Variants in SPON2 observed in about 807,000 individuals in gnomAD.
The protein encoded by SPON2 is spondin-2.
In SPON2, 32 loss-of-function variants were observed where a neutral mutation model predicts 29.9. The ratio of observed to expected loss-of-function variants is 1.07; its 90% CI spans 0.81 to 1.44. SPON2 has a LOEUF of 1.44. Ranked by LOEUF, SPON2 falls within the 40% of genes most tolerant of loss-of-function variation. SPON2 has a pLI of 0.00. For missense variants in SPON2, 541 were observed against 455.5 expected, an observed-to-expected ratio of 1.19 and a Z score of -1.71; for synonymous variants, 248 against 209.1, an observed-to-expected ratio of 1.19 and a Z score of -1.61.
rs1728245961 is a variant in SPON2 at position 1,202,821 on chromosome 4, G to A, written c.-234+5059C>T. ...GGCCACCATCGCCTGCAGTGTCAGC[G>A]CCCCGTGGATGCCGTCAAGGCCCCC... On this transcript the variant is annotated intron_variant, in intron 1 of 3. Transcript: ENST00000509233. The surrounding 1 kb of genome is among the most constrained non-coding windows in gnomAD (Gnocchi z 5.4). Among the ~76,000 whole-genome samples the A allele has an allele frequency of 2.0e-5, 3 of 152,266 alleles. No individual in the cohort carries two copies. The highest frequency in any genetic ancestry group is 2.1e-4 in the South Asian group (1 of 4,830).
chr4:1,179,154 T>A (rs1727660763), intron 2 of SPON2, among the ~76,000 whole-genome samples: 1 of 151,366 alleles, frequency 6.6e-6, no homozygotes, highest in South Asian at 2.1e-4. Flanking sequence ...CTTATTTAGC[T>A]GACGCTGAGT....
intron 1 of SPON2, among the ~76,000 whole-genome samples, chr4:1,206,680 A>G (rs1728349953): frequency 6.6e-6 from 1 of 152,186 alleles, no homozygotes. Flanking sequence ...GAGGGGAGGC[A>G]GGGCCTGAGG....
intron 1 of SPON2, among the ~76,000 whole-genome samples, chr4:1,186,042 A>T (rs71614952): frequency 4.7e-5 from 7 of 149,966 alleles, no homozygotes; most frequent in South Asian, 2.1e-4. Context: ...CAGGAGATCG[A>T]GACCATCCTG....
At chr4:1,178,543 A>G (rs1290053055) in intron 2 of SPON2, among the ~76,000 whole-genome samples, 1 of 151,716 alleles carries the variant, frequency 6.6e-6, no homozygotes, top group Admixed American at 6.6e-5. Flanking sequence ...CTCACACCTC[A>G]GGGCCTTTGC....
chr4:1,169,405 GCC>G (rs1185499615), intron 5 of SPON2, among the ~76,000 whole-genome samples: 3 of 152,136 alleles, frequency 2.0e-5, no homozygotes, highest in Non-Finnish European at 4.4e-5. Flanking sequence ...GCACAGGGAG[GCC>G]CAGTTCATCC....
intron 1 of SPON2, among the ~76,000 whole-genome samples, chr4:1,185,708 C>CCAAAAAAAAA (rs764779944): frequency 1.4e-5 from 1 of 69,648 alleles, no homozygotes; most frequent in Non-Finnish European, 2.7e-5. Context: ...ACTCCATCTC[C>CCAAAAAAAAA]AAAAAAAAAA....
Position 1,170,992 on chromosome 4 carries a change from C to A in SPON2, c.636+7G>T. The A allele has an allele frequency of 6.5e-7, 1 of 1,547,520 alleles. No individual in the cohort carries two copies. Among genetic ancestry groups the A allele is most frequent in the South Asian group, 1.2e-5 (1 of 83,852 alleles). On this transcript the variant is annotated splice_region_variant and intron_variant, in intron 4 of 5. Transcript: ENST00000290902. ...GCGGCCCTTGCGCACGCGGGGTGCC[C>A]ACTCACCTCGGTCACCGTGTCCTGC...
intron 1 of SPON2, among the ~76,000 whole-genome samples, chr4:1,184,424 A>G (rs918988865): frequency 6.6e-6 from 1 of 152,048 alleles, no homozygotes; most frequent in Non-Finnish European, 1.5e-5. Context: ...GGGTGAAAAA[A>G]GGGATTCCAA....
upstream of SPON2, among the ~76,000 whole-genome samples, chr4:1,173,697 T>A (rs1184922127): frequency 3.9e-5 from 6 of 152,220 alleles, no homozygotes; most frequent in African/African-American, 1.4e-4. Context: ...ACCCTGTTAA[T>A]GTTTCACAGA....
At chr4:1,200,827 G>T (rs539890472) in intron 1 of SPON2, 88 of 456,680 alleles carry the variant, frequency 1.9e-4, no homozygotes, top group South Asian at 1.3e-3. Flanking sequence ...CCCAGCTCCT[G>T]GAGGTGGGGC....
rs773844534 is a variant in SPON2 at position 1,171,254 on chromosome 4, C to G, written c.444+9G>C. The G allele has an allele frequency of 2.7e-6, 4 of 1,476,712 alleles. No homozygotes were observed. The highest frequency in any genetic ancestry group is 2.3e-4 in the Middle Eastern group (1 of 4,420). 91.5% of individuals were successfully genotyped at this position (1,476,712 alleles called of 1,614,324 possible). A position where few individuals can be genotyped will look rare whatever the true frequency, so the allele number is the denominator to read the frequency against. ...CCCGGACCCCGCCCCCGGCCGGCCC[C>G]GCGCTCACCAGCGAGTGCCTGCGCT... On this transcript the variant is annotated intron_variant, in intron 3 of 5. Transcript: ENST00000290902.
At chr4:1,179,611 A>T (rs1352212464) in intron 1 of SPON2, 1 of 152,244 alleles carries the variant, frequency 6.6e-6, no homozygotes, top group African/African-American at 2.4e-5. Context: ...CAATCTATGT[A>T]GGGTTATTTT....
rs1239709980 is a variant in SPON2, at chr4:1,171,247, C to T, written c.444+16G>A. 2 of 1,436,090 alleles carry T rather than the reference C, an allele frequency of 1.4e-6. No individual in the cohort carries two copies. Among genetic ancestry groups the T allele is most frequent in the East Asian group, 2.8e-5 (1 of 35,126 alleles). 89.0% of individuals were successfully genotyped at this position (1,436,090 alleles called of 1,614,324 possible). On this transcript the variant is annotated intron_variant, in intron 3 of 5. Coordinates refer to ENST00000290902, the MANE Select transcript of SPON2 (RefSeq NM_012445.4). Reference sequence around the variant, plus strand: ...CCGGCCCCCCGGACCCCGCCCCCGGCCGGCCCCGCGCTCACCAGCGAGTGC... The same window carrying T: ...CCGGCCCCCCGGACCCCGCCCCCGGTCGGCCCCGCGCTCACCAGCGAGTGC...
upstream of SPON2, among the ~76,000 whole-genome samples, chr4:1,198,022 T>G (rs1728107127): frequency 7.1e-6 from 1 of 141,238 alleles, no homozygotes; most frequent in African/African-American, 2.6e-5. Context: ...CACTCCAGCC[T>G]GGGTGATAAA....
intron 5 of SPON2, 172 bp from the exon 6 acceptor site, chr4:1,167,828 C>T (rs1356838998): frequency 3.3e-6 from 2 of 606,066 alleles, no homozygotes; most frequent in Admixed American, 3.5e-5. Context: ...GGGATGGCAC[C>T]ATAGCAACCT....
chr4:1,170,492 G>T lies in SPON2; in HGVS notation c.721C>A (p.Leu241Met). The T allele has an allele frequency of 6.2e-7, 1 of 1,614,096 alleles. No individual in the cohort carries two copies. Among genetic ancestry groups the T allele is most frequent in the Non-Finnish European group, 8.5e-7 (1 of 1,179,980 alleles). Residue 241 changes from leucine to methionine, a missense_variant, in exon 5 of 6, where the codon CTG becomes ATG. By Grantham distance (15) the Leu-to-Met change is conservative. Coordinates refer to ENST00000290902, the MANE Select transcript of SPON2 (RefSeq NM_012445.4). ...CTGGGGCTCTGTCGCAGCCGCACCA[G>T]TGTCACCCTGGCGATGGGAGGCAGG... is the stretch of plus-strand genomic sequence containing the variant. ...KALPPIARVTLVRLRQSPRAF... is the reference protein window; with the variant it reads ...KALPPIARVTMVRLRQSPRAF...
chr4:1,203,953 C>T (rs922750896), intron 1 of SPON2, among the ~76,000 whole-genome samples: 2 of 152,200 alleles, frequency 1.3e-5, no homozygotes, highest in Admixed American at 6.5e-5. Flanking sequence ...TCACTGCAAC[C>T]TCTGCCTCCC....
chr4:1,183,326 C>T (rs1727734920), intron 1 of SPON2, among the ~76,000 whole-genome samples: 1 of 151,904 alleles, frequency 6.6e-6, no homozygotes. Flanking sequence ...ACCTCTAGGC[C>T]TGCCCTGCAA....
chr4:1,177,441 A>G (rs1727625566), upstream of SPON2, among the ~76,000 whole-genome samples: 1 of 152,168 alleles, frequency 6.6e-6, no homozygotes, highest in Non-Finnish European at 1.5e-5. Context: ...CCAGTCAGGC[A>G]TCGGGGGTGG....
Sources: gnomAD v4.1 joint callset for allele counts (sites outside exome capture counted in the v4.1 genomes callset) on GRCh38, gnomAD v4.1.1 for gene constraint, Gnocchi (gnomAD v3.1) non-coding constraint, MANE v1.5 for transcripts, NCBI Gene and HGNC (gene_info 2026-07-23, HGNC 2026-07-21) for gene names.